RPL18: variants seen among roughly 807,000 people sequenced by gnomAD.
RPL18 encodes large ribosomal subunit protein eL18.
RPL18 carries 4 observed loss-of-function variants against 25.0 expected under a neutral mutation model. The ratio of observed to expected loss-of-function variants is 0.16; its 90% CI spans 0.08 to 0.37. The LOEUF (loss-of-function observed/expected upper bound fraction) is 0.37. Ranked by LOEUF, RPL18 falls within the 10% of genes least tolerant of loss-of-function variation. The probability of loss-of-function intolerance (pLI) is 1.00; values close to 1 mark genes in which losing one functional copy is unlikely to be tolerated. For synonymous variants in RPL18, 129 were observed against 101.6 expected, an observed-to-expected ratio of 1.27 and a Z score of -1.62; for missense variants, 179 against 267.9, an observed-to-expected ratio of 0.67 and a Z score of 2.32.
intron 4 of RPL18, 55 bp downstream of exon 4, chr19:48,616,671 G>T: frequency 1.6e-6 from 2 of 1,224,690 alleles, no homozygotes; most frequent in Non-Finnish European, 2.4e-6. Context: ...GCACAGCACA[G>T]CACAGCACAG....
chr19:48,616,759 A>G lies in RPL18; in HGVS notation c.264T>C (p.Asp88=), dbSNP rs778427871. The G allele has an allele frequency of 1.2e-6, 2 of 1,613,952 alleles. No individual in the cohort carries two copies. The highest frequency in any genetic ancestry group is 2.2e-5 in the East Asian group (1 of 44,870). The change falls in exon 4 of 7, where the codon GAT becomes GAC. Residue 88 remains aspartate, a synonymous_variant. Transcript: ENST00000549920. The part of the protein sequence containing the change: ...KTAVVVGTIT[D]DVRVQEVPKL... Reference sequence around the variant, plus strand: ...TGGGTACCTCCTGAACCCGCACATCATCAGTTATGGTCCCCACAACCACGG... The same window carrying G: ...TGGGTACCTCCTGAACCCGCACATCGTCAGTTATGGTCCCCACAACCACGG...
At chr19:48,618,699 G>C (rs577616268) in intron 1 of RPL18, 1 of 212,716 alleles carries the variant, frequency 4.7e-6, no homozygotes, top group Non-Finnish European at 9.7e-6. Context: ...AAGGTGGGAA[G>C]GGGCCTGAGA....
chr19:48,616,820 C>T lies in RPL18; in HGVS notation c.203G>A (p.Arg68Gln), dbSNP rs764449977. 10 of 1,612,012 alleles carry T rather than the reference C, an allele frequency of 6.2e-6. No individual in the cohort carries two copies. In the Admixed American group the frequency reaches 6.7e-5, roughly 11 times the overall value. Residue 68 changes from arginine (R) to glutamine (Q), a missense_variant, in exon 4 of 7, where the codon CGG (arginine) becomes CAG (glutamine). Transcript: ENST00000549920. ...TTCCCGGCCAGGAAGCTTCATCTTC[C>T]GGATCTTAGGGTGGGGAGGATGTAC... is the stretch of plus-strand genomic sequence containing the variant. ...RPPLSLSRMI[R>Q]KMKLPGRENK... is the part of the protein sequence containing the mutation.
chr19:48,616,845 CGTCGTAA>C (rs1568424849), intron 3 of RPL18, 21 bp from the exon 4 acceptor site: 1 of 1,574,986 alleles, frequency 6.3e-7, no homozygotes, highest in East Asian at 2.2e-5. Flanking sequence ...GGAGGATGTA[CGTCGTAA>C]GTTGTTCTGG....
Position 48,615,407 on chromosome 19 carries a change from T to G in RPL18, c.532A>C (p.Arg178=). Residue 178 remains arginine (R), a synonymous_variant, in exon 7 of 7, where the codon AGA becomes CGA. Transcript: ENST00000549920. ...RSKGRKFERA[R]GRRASRGYKN is the part of the protein sequence containing the mutation. ...TAGCCTCGGCTGGCCCGTCGGCCTC[T>G]GGCACGCTCGAACTTCCGGCCCTTG... 6.2e-7 allele frequency: 1 copy of G among 1,613,232 alleles called. No homozygotes were observed. The highest frequency in any genetic ancestry group is 2.2e-5 in the East Asian group (1 of 44,856).
intron 1 of RPL18, chr19:48,618,448 G>A (rs550824226): frequency 2.6e-5 from 4 of 154,608 alleles, no homozygotes; most frequent in Admixed American, 1.9e-4. Flanking sequence ...ACAAGCGTGA[G>A]CCGCCTCGCC....
chr19:48,616,110 G>C lies in RPL18; in HGVS notation c.390C>G (p.Ser130=). 1 of 1,614,192 alleles carries C rather than the reference G, an allele frequency of 6.2e-7. No individual in the cohort carries two copies. The highest frequency in any genetic ancestry group is 8.5e-7 in the Non-Finnish European group (1 of 1,180,032). ...ILTFDQLALD[S]PKGCGTVLLS... is the part of the protein sequence containing the mutation. ...GCAGGACAGTGCCACAGCCCTTAGG[G>C]GAGTCCAGGGCCAGCTGGTCGAAAG... The change falls in exon 5 of 7, where the codon TCC becomes TCG. Residue 130 remains serine, a synonymous_variant. Coordinates refer to ENST00000549920, the MANE Select transcript of RPL18 (RefSeq NM_000979.4).
At position 48,615,943 on chromosome 19, in the gene RPL18, G is replaced by C; in HGVS notation, c.425C>G (p.Pro142Arg). The change falls in exon 6 of 7, where the codon CCT (proline) becomes CGT (arginine). Residue 142 changes from proline (P) to arginine (R), a missense_variant. Coordinates refer to ENST00000549920, the MANE Select transcript of RPL18 (RefSeq NM_000979.4). ...KGCGTVLLSG[P>R]RKGREVYRHF... ...CCGGTACACCTCTCGGCCCTTGCGA[G>C]GACCTAGGGAAGGGGAAGGAGAACC... The C allele has an allele frequency of 1.2e-6, 2 of 1,614,046 alleles. No homozygotes were observed. Among genetic ancestry groups the C allele is most frequent in the Non-Finnish European group, 1.7e-6 (2 of 1,179,954 alleles).
chr19:48,617,191 G>T, intron 3 of RPL18, 125 bp downstream of exon 3: 3 of 824,874 alleles, frequency 3.6e-6, no homozygotes, highest in Non-Finnish European at 4.3e-6. Flanking sequence ...CTCTACGCTC[G>T]CGACTGGCTG....
Position 48,615,522 on chromosome 19 carries a change from A to C in RPL18, c.492-75T>G, listed in dbSNP as rs1013029931. The stretch of plus-strand genomic sequence containing the variant: ...TGTGGAGTGGCACAGGAACACCACA[A>C]GCCTGTCACATTCAGCCCCAGGAGA... On this transcript the variant is annotated intron_variant, in intron 6 of 6. Coordinates refer to ENST00000549920, the MANE Select transcript of RPL18 (RefSeq NM_000979.4). 12 of 1,106,932 alleles carry C rather than the reference A, an allele frequency of 1.1e-5. No individual in the cohort carries two copies. In the African/African-American group the frequency reaches 1.7e-4, roughly 16 times the overall value. The allele number at this position is 1,106,932 out of a possible 1,614,324, so 68.6% of individuals were successfully genotyped here. A position where few individuals can be genotyped will look rare whatever the true frequency, so the allele number is the denominator to read the frequency against.
At chr19:48,616,678 A>C (rs1423756522) in intron 4 of RPL18, 48 bp downstream of exon 4, 1 of 1,260,928 alleles carries the variant, frequency 7.9e-7, no homozygotes, top group African/African-American at 1.5e-5. Flanking sequence ...ACAGCACAGC[A>C]CAGTACAGCA....
At chr19:48,615,482 C>CT (rs1286864067) in intron 6 of RPL18, 35 bp from the exon 7 acceptor site, 5 of 1,528,322 alleles carry the variant, frequency 3.3e-6, no homozygotes, top group African/African-American at 1.4e-5. Context: ...GGGGGGCCCT[C>CT]TTAAAGGAGG....
rs560679964 is a variant in RPL18 at position 48,615,461 on chromosome 19, AG to A, written c.492-15del. 2.1e-4 allele frequency: 340 copies of A among 1,601,438 alleles called. 1 individual carries two copies. In the African/African-American group the frequency reaches 3.4e-3, roughly 16 times the overall value. ...CGGACGTAGGGTCTGTGGGGAGAGG[AG>A]GGAGTGAGAGGGGGGCCCTCTTAAA... On this transcript the variant is annotated splice_polypyrimidine_tract_variant and intron_variant, in intron 6 of 6. Transcript: ENST00000549920.
intron 3 of RPL18, 107 bp from the exon 4 acceptor site, chr19:48,616,931 AC>A (rs900383294): frequency 2.5e-6 from 2 of 797,074 alleles, no homozygotes; most frequent in African/African-American, 3.4e-5. Context: ...GGGACCCCCC[AC>A]TCACACCACA....
chr19:48,616,033 G>A, intron 5 of RPL18, 46 bp downstream of exon 5: 1 of 1,613,936 alleles, frequency 6.2e-7, no homozygotes, highest in South Asian at 1.1e-5. Flanking sequence ...AAGGCTGCCA[G>A]TAGCCACACA....
At chr19:48,616,930 C>G (rs754698342) in intron 3 of RPL18, 106 bp from the exon 4 acceptor site, 2 of 798,866 alleles carry the variant, frequency 2.5e-6, no homozygotes, top group Admixed American at 1.9e-5. Context: ...CGGGACCCCC[C>G]ACTCACACCA....
chr19:48,616,688 A>ACAGC, intron 4 of RPL18, 38 bp downstream of exon 4: 24 of 1,352,430 alleles, frequency 1.8e-5, no homozygotes, highest in Non-Finnish European at 2.4e-5. Context: ...ACAGTACAGC[A>ACAGC]AGGGTCTGAT....
chr19:48,615,356 A>G lies in RPL18; in HGVS notation c.*16T>C, dbSNP rs1441205453. Reference sequence around the variant, plus strand: ...TGTCAGCAAAAATCTTTTTAATAAGAGAGTAGGATCCAGGGTTAGTTTTTG... The same window carrying G: ...TGTCAGCAAAAATCTTTTTAATAAGGGAGTAGGATCCAGGGTTAGTTTTTG... On this transcript the variant is annotated 3_prime_UTR_variant, in exon 7 of 7. Coordinates refer to ENST00000549920, the MANE Select transcript of RPL18 (RefSeq NM_000979.4). 6.3e-7 allele frequency: 1 copy of G among 1,593,032 alleles called. No homozygotes were observed. Among genetic ancestry groups the G allele is most frequent in the Non-Finnish European group, 8.6e-7 (1 of 1,166,146 alleles).
intron 1 of RPL18, 38 bp from the exon 2 acceptor site, chr19:48,617,915 C>T (rs988255713): frequency 6.9e-7 from 1 of 1,454,592 alleles, no homozygotes; most frequent in Non-Finnish European, 9.7e-7. Context: ...CCCAATTACC[C>T]CCAACCATAG....
Sources: allele counts gnomAD v4.1 joint callset, GRCh38; gene constraint gnomAD v4.1.1; transcripts MANE v1.5; gene names NCBI Gene and HGNC (gene_info 2026-07-23, HGNC 2026-07-21).